Variants in INPP5D observed in about 807,000 individuals in gnomAD.
The protein encoded by INPP5D is inositol polyphosphate-5-phosphatase D.
Under a neutral mutation model 122.9 loss-of-function variants are expected in INPP5D, and 33 were observed. That is an observed-to-expected ratio of 0.27 (90% CI 0.20 to 0.36). The LOEUF (loss-of-function observed/expected upper bound fraction) is 0.36. INPP5D is among the 10% of genes least tolerant of loss of function. The pLI, the probability that INPP5D is intolerant of heterozygous loss-of-function variation, is 1.00. For synonymous variants in INPP5D, 584 were observed against 576.2 expected (o/e 1.01, Z -0.19); for missense variants, 1,053 against 1,412.7 (o/e 0.75, Z 4.08).
chr2:233,137,553 T>G (rs777597827), intron 5 of INPP5D, among the ~76,000 whole-genome samples: 4 of 150,898 alleles, frequency 2.7e-5, no homozygotes, highest in Non-Finnish European at 5.9e-5. Context: ...CCTCCTGGGT[T>G]CAAGCTATTC....
chr2:233,124,897 C>A (rs1693108627), intron 3 of INPP5D, among the ~76,000 whole-genome samples: 1 of 152,244 alleles, frequency 6.6e-6, no homozygotes. Context: ...CTGTTTGGGC[C>A]CAGGGCCTCT....
chr2:233,132,481 A>C (rs1439668545), intron 5 of INPP5D, among the ~76,000 whole-genome samples: 1 of 152,156 alleles, frequency 6.6e-6, no homozygotes, highest in Non-Finnish European at 1.5e-5. Context: ...CCATGACTCT[A>C]TTTAGAATTA....
At chr2:233,161,933 C>T in intron 11 of INPP5D, 107 bp downstream of exon 11, 3 of 1,472,204 alleles carry the variant, frequency 2.0e-6, no homozygotes, top group Non-Finnish European at 2.7e-6. Flanking sequence ...CCCCTTCCTT[C>T]CTGCCCCAGG....
chr2:233,202,298 A>G (rs6760912), intron 25 of INPP5D, among the ~76,000 whole-genome samples: 88,269 of 152,130 alleles, frequency 0.58, 26,256 homozygotes, highest in East Asian at 0.95. Flanking sequence ...ACGGCCTTTG[A>G]GGGTCCACAC....
chr2:233,075,090 C>T (rs1691484191), intron 1 of INPP5D, among the ~76,000 whole-genome samples: 1 of 152,196 alleles, frequency 6.6e-6, no homozygotes. Flanking sequence ...CCTGCCTCTT[C>T]TTTGCCTCCA....
At chr2:233,111,823 G>A (rs1186617520) in intron 2 of INPP5D, among the ~76,000 whole-genome samples, 3 of 152,186 alleles carry the variant, frequency 2.0e-5, no homozygotes, top group African/African-American at 7.2e-5. Context: ...CACTTTGGGA[G>A]ACCGAGACGG....
chr2:233,076,823 A>T (rs1574706016), intron 1 of INPP5D, among the ~76,000 whole-genome samples: 1 of 152,162 alleles, frequency 6.6e-6, no homozygotes, highest in Non-Finnish European at 1.5e-5. Flanking sequence ...TATCATTCTC[A>T]CCTCTCAGAT....
chr2:233,087,346 G>A (rs1041497679), intron 2 of INPP5D, among the ~76,000 whole-genome samples: 10 of 151,632 alleles, frequency 6.6e-5, no homozygotes, highest in Non-Finnish European at 1.5e-4. Context: ...TTTTTGAGAC[G>A]GAGTCTCACT....
At chr2:233,155,235 G>C (rs1694018275) in intron 9 of INPP5D, among the ~76,000 whole-genome samples, 1 of 152,272 alleles carries the variant, frequency 6.6e-6, no homozygotes, top group Non-Finnish European at 1.5e-5. Context: ...CCCAATGGAA[G>C]AGTGGAAAGA....
chr2:233,172,641 A>C (rs1694517861), intron 17 of INPP5D, among the ~76,000 whole-genome samples: 1 of 152,226 alleles, frequency 6.6e-6, no homozygotes, highest in East Asian at 1.9e-4. Context: ...GGAAGAACCC[A>C]GAGAAAATAC....
intron 2 of INPP5D, among the ~76,000 whole-genome samples, chr2:233,093,024 G>T (rs1692032950): frequency 6.6e-6 from 1 of 152,194 alleles, no homozygotes. Flanking sequence ...AACAGAAAGA[G>T]AAATTAAAGA....
intron 2 of INPP5D, among the ~76,000 whole-genome samples, chr2:233,117,453 A>G (rs112643886): frequency 6.6e-6 from 1 of 152,086 alleles, no homozygotes; most frequent in African/African-American, 2.4e-5. Context: ...CAGCCAGATG[A>G]GAGGAAAGTT....
rs988532195 is a variant in INPP5D at position 233,177,957 on chromosome 2, G to A, written c.2071+611G>A. Among the ~76,000 whole-genome samples, 1 of 152,152 alleles carries A rather than the reference G, an allele frequency of 6.6e-6. No individual in the cohort carries two copies. Among genetic ancestry groups the A allele is most frequent in the African/African-American group, 2.4e-5 (1 of 41,412 alleles). On this transcript the variant is annotated intron_variant, in intron 18 of 26. Coordinates refer to ENST00000445964, the MANE Select transcript of INPP5D (RefSeq NM_001017915.3). This position sits in a 1 kb window ranked among gnomAD's most constrained non-coding sequence, Gnocchi z 4.2. The stretch of plus-strand genomic sequence containing the variant: ...GAACCATATGAAAGTGTTTTTGTAG[G>A]TCAGAAATAGTTATTGGAAATTCAT...
chr2:233,171,072 G>T lies in INPP5D; in HGVS notation c.1909G>T (p.Glu637Ter). 1 of 1,611,042 alleles carries T rather than the reference G, an allele frequency of 6.2e-7. No individual in the cohort carries two copies. The highest frequency in any genetic ancestry group is 8.5e-7 in the Non-Finnish European group (1 of 1,178,216). Residue 637 changes from glutamate to a stop codon, truncating the protein, a stop_gained, in exon 17 of 27, where the codon GAA (glutamate) becomes TAA (stop). Transcript: ENST00000445964. LOFTEE classifies it high-confidence loss of function. ...AAGTCTCTCTGTTTCAGAGGAGGAA[G>T]AAATCACGTTTGCCCCAACCTACCG... ...QKVFLHFEEE[E>*]ITFAPTYRFE...
chr2:233,157,572 A>T (rs1325584501), intron 9 of INPP5D, among the ~76,000 whole-genome samples: 1 of 152,210 alleles, frequency 6.6e-6, no homozygotes, highest in East Asian at 1.9e-4. Flanking sequence ...GGCCAAAATT[A>T]TGATATAATT....
chr2:233,087,218 C>T (rs966638472), intron 2 of INPP5D, among the ~76,000 whole-genome samples: 2 of 152,140 alleles, frequency 1.3e-5, no homozygotes, highest in African/African-American at 4.8e-5. Flanking sequence ...CTTGATCACC[C>T]CAGAAAAATA....
chr2:233,060,665 G>A (rs1691047046), intron 1 of INPP5D, 53 bp downstream of exon 1: 1 of 1,603,508 alleles, frequency 6.2e-7, no homozygotes, highest in Non-Finnish European at 8.5e-7. Flanking sequence ...GGGGCTTAGA[G>A]GGGGCCCAGC....
At position 233,164,384 on chromosome 2, in the gene INPP5D, C is replaced by A. The variant is rs1382958006; in HGVS notation, c.1515C>A (p.Ile505=). ...KPEHENRISH[I]CTDNVKTGIA... is the part of the protein sequence containing the mutation. Reference sequence around the variant, plus strand: ...AGCACGAGAACCGGATCAGCCACATCTGTACTGACAACGTGAAGACAGGCA... The same window carrying A: ...AGCACGAGAACCGGATCAGCCACATATGTACTGACAACGTGAAGACAGGCA... The change falls in exon 13 of 27, where the codon ATC becomes ATA. Residue 505 remains isoleucine, a synonymous_variant. Coordinates refer to ENST00000445964, the MANE Select transcript of INPP5D (RefSeq NM_001017915.3). This position sits in a 1 kb window ranked among gnomAD's most constrained non-coding sequence, Gnocchi z 4.3. 1 of 1,553,026 alleles carries A rather than the reference C, an allele frequency of 6.4e-7. No homozygotes were observed. Among genetic ancestry groups the A allele is most frequent in the African/African-American group, 1.4e-5 (1 of 73,242 alleles).
chr2:233,167,822 C>T (rs1236006682), intron 13 of INPP5D, among the ~76,000 whole-genome samples: 5 of 152,018 alleles, frequency 3.3e-5, no homozygotes, highest in South Asian at 2.1e-4. Context: ...CTGGGCAACA[C>T]GGTGAAACCT....
Sources: gnomAD v4.1 joint callset for allele counts (sites outside exome capture counted in the v4.1 genomes callset) on GRCh38, gnomAD v4.1.1 for gene constraint, Gnocchi (gnomAD v3.1) non-coding constraint, MANE v1.5 for transcripts, NCBI Gene and HGNC (gene_info 2026-07-23, HGNC 2026-07-21) for gene names.